APMAP: variants seen among roughly 807,000 people sequenced by gnomAD.
APMAP encodes adipocyte plasma membrane associated protein, also known as adipocyte plasma membrane-associated protein.
Under a neutral mutation model 43.6 loss-of-function variants are expected in APMAP, and 33 were observed. The ratio of observed to expected loss-of-function variants is 0.76; its 90% CI spans 0.57 to 1.01. APMAP has a LOEUF of 1.01. Ranked by LOEUF, APMAP falls within the 50% of genes least tolerant of loss-of-function variation. The probability of loss-of-function intolerance (pLI) is 0.00; values close to 1 mark genes in which losing one functional copy is unlikely to be tolerated. For synonymous variants in APMAP, 224 were observed against 216.7 expected (o/e 1.03, Z -0.30); for missense variants, 498 against 540.7 (o/e 0.92, Z 0.78).
rs143091602 is a variant in APMAP, at chr20:24,981,467, C to T, written c.212+2436G>A. ...TCTGAGAACCAGCTCTCTGAGGTCC[C>T]CCACATCTCTCTCCCTAACACAGGA... On this transcript the variant is annotated intron_variant, in intron 2 of 8. Transcript: ENST00000217456. Among the ~76,000 whole-genome samples the T allele has an allele frequency of 2.8e-4, 43 of 152,318 alleles. 1 individual carries two copies. The East Asian group carries it at 7.9e-3, about 28-fold the overall frequency.
At chr20:24,973,320 A>G (rs543083309) in intron 4 of APMAP, among the ~76,000 whole-genome samples, 19 of 152,362 alleles carry the variant, frequency 1.2e-4, no homozygotes, top group Non-Finnish European at 2.1e-4. Flanking sequence ...CAGCACTGTG[A>G]TAACACCTAT....
At chr20:24,987,096 C>A (rs954777684) in intron 1 of APMAP, among the ~76,000 whole-genome samples, 3 of 152,102 alleles carry the variant, frequency 2.0e-5, no homozygotes, top group Non-Finnish European at 4.4e-5. Context: ...ATGTATCTAC[C>A]ACAACTTGCT....
rs73114354 is a variant in APMAP, at chr20:24,978,226, T to C, written c.328+541A>G. ...CAGAAAATGCCTTGTTCAAGGTTGC[T>C]AGAGATGCAAGTATTAGAACCAGAC... On this transcript the variant is annotated intron_variant, in intron 3 of 8. Coordinates refer to ENST00000217456, the MANE Select transcript of APMAP (RefSeq NM_020531.3). Among the ~76,000 whole-genome samples the C allele has an allele frequency of 8.9e-3, 1,359 of 152,320 alleles. 6 individuals are homozygous for C. Among genetic ancestry groups the C allele is most frequent in the Non-Finnish European group, 0.014 (942 of 68,038 alleles).
intron 8 of APMAP, among the ~76,000 whole-genome samples, chr20:24,967,885 G>T (rs902345723): frequency 6.6e-6 from 1 of 152,096 alleles, no homozygotes; most frequent in Admixed American, 6.6e-5. Context: ...AACAGATTAG[G>T]ACTTCCCACA....
chr20:24,963,882 G>A lies in APMAP; in HGVS notation c.1182C>T (p.His394=), dbSNP rs375790305. 3.2e-5 allele frequency: 52 copies of A among 1,614,122 alleles called. No individual in the cohort carries two copies. The highest frequency in any genetic ancestry group is 1.0e-4 in the Admixed American group (6 of 60,012). ...AAGAGCCCAGGTACAGGTGCCCATC[G>A]TGTTCGTGCACCTCGCTGATGTAGG... is the stretch of plus-strand genomic sequence containing the variant. ...VATYISEVHE[H]DGHLYLGSFR... The change falls in exon 9 of 9, where the codon CAC becomes CAT. Residue 394 remains histidine (H), a synonymous_variant. Coordinates refer to ENST00000217456, the MANE Select transcript of APMAP (RefSeq NM_020531.3).
chr20:24,973,156 G>A (rs1300088001), intron 4 of APMAP, among the ~76,000 whole-genome samples: 1 of 152,112 alleles, frequency 6.6e-6, no homozygotes, highest in Non-Finnish European at 1.5e-5. Context: ...TAAGTCTATA[G>A]ACTATCAGTT....
intron 1 of APMAP, among the ~76,000 whole-genome samples, chr20:24,987,408 C>T (rs2088156958): frequency 6.6e-6 from 1 of 152,184 alleles, no homozygotes; most frequent in South Asian, 2.1e-4. Context: ...GATGAGCAGG[C>T]ATGAGCAACC....
Position 24,992,751 on chromosome 20 carries a change from C to T in APMAP, c.-63G>A. On this transcript the variant is annotated 5_prime_UTR_variant, in exon 1 of 9. Coordinates refer to ENST00000217456, the MANE Select transcript of APMAP (RefSeq NM_020531.3). ...CACTGAGCGGCGCCGGCTCAGACTC[C>T]AGGCCCGCCCTCCCCCGTACGCGGA... 8.1e-7 allele frequency: 1 copy of T among 1,233,922 alleles called. No individual in the cohort carries two copies. Among genetic ancestry groups the T allele is most frequent in the Non-Finnish European group, 1.1e-6 (1 of 928,448 alleles). The allele number at this position is 1,233,922 out of a possible 1,614,324, so 76.4% of individuals were successfully genotyped here. A position where few individuals can be genotyped will look rare whatever the true frequency, so the allele number is the denominator to read the frequency against.
intron 3 of APMAP, among the ~76,000 whole-genome samples, chr20:24,976,339 C>T (rs2088049957): frequency 6.6e-6 from 1 of 152,082 alleles, no homozygotes; most frequent in Non-Finnish European, 1.5e-5. Flanking sequence ...ACTCTTAAAA[C>T]TCAACAATAA....
intron 1 of APMAP, 82 bp downstream of exon 1, chr20:24,992,512 A>G: frequency 8.7e-7 from 1 of 1,152,534 alleles, no homozygotes; most frequent in Non-Finnish European, 1.1e-6. Context: ...GGTTACTGTT[A>G]CTGCCGTCGC....
In APMAP at chr20:24,964,014, A is replaced by G; in HGVS notation, c.1050T>C (p.Ser350=). The change falls in exon 9 of 9, where the codon AGT becomes AGC. Residue 350 remains serine, a synonymous_variant. Coordinates refer to ENST00000217456, the MANE Select transcript of APMAP (RefSeq NM_020531.3). ...WIKRMIFKLF[S]QETVMKFVPR... ...GCACAAACTTCATCACCGTCTCTTGACTAAAGAGCTAGAGGGAAGCACAGT... is the reference window on the plus strand; with the variant it reads ...GCACAAACTTCATCACCGTCTCTTGGCTAAAGAGCTAGAGGGAAGCACAGT... 6.2e-7 allele frequency: 1 copy of G among 1,614,184 alleles called. No individual in the cohort carries two copies. The highest frequency in any genetic ancestry group is 1.3e-5 in the African/African-American group (1 of 75,068).
intron 2 of APMAP, among the ~76,000 whole-genome samples, chr20:24,980,324 A>G (rs2088091392): frequency 6.6e-6 from 1 of 152,224 alleles, no homozygotes; most frequent in Non-Finnish European, 1.5e-5. Flanking sequence ...CAGCAAAAAG[A>G]GCTTCTTTAA....
intron 8 of APMAP, among the ~76,000 whole-genome samples, chr20:24,965,882 G>T (rs181595548): frequency 3.3e-5 from 5 of 152,220 alleles, no homozygotes; most frequent in Non-Finnish European, 7.3e-5. Flanking sequence ...AAAATAAGGG[G>T]AGAAAACTTG....
rs2087917849 is a variant in APMAP at position 24,963,758 on chromosome 20, G to A, written c.*55C>T. ...CACAGCTCCTCCTGGACCAGGCCTG[G>A]TGCCTGAGTGTGAAGACTCCTGGCC... On this transcript the variant is annotated 3_prime_UTR_variant, in exon 9 of 9. Coordinates refer to ENST00000217456, the MANE Select transcript of APMAP (RefSeq NM_020531.3). The A allele has an allele frequency of 6.4e-7, 1 of 1,551,154 alleles. No homozygotes were observed. Among genetic ancestry groups the A allele is most frequent in the East Asian group, 2.3e-5 (1 of 44,364 alleles).
intron 3 of APMAP, among the ~76,000 whole-genome samples, chr20:24,976,809 T>C (rs1431976762): frequency 1.2e-4 from 18 of 152,194 alleles, no homozygotes; most frequent in African/African-American, 4.3e-4. Flanking sequence ...GTAACTAAAC[T>C]GTGGCACATC....
intron 6 of APMAP, 120 bp from the exon 7 acceptor site, chr20:24,969,780 G>A (rs1050418157): frequency 3.0e-6 from 4 of 1,346,844 alleles, no homozygotes; most frequent in Non-Finnish European, 4.0e-6. Flanking sequence ...GGCCCTGGGT[G>A]CCCTGCTCAA....
In APMAP at chr20:24,968,962, C is replaced by T. The variant is rs181867455; in HGVS notation, c.971G>A (p.Arg324His). The T allele has an allele frequency of 5.0e-6, 8 of 1,613,894 alleles. No homozygotes were observed. The Admixed American group carries it at 5.0e-5, about 10-fold the overall frequency. Residue 324 changes from arginine (R) to histidine (H), a missense_variant, in exon 8 of 9, where the codon CGC becomes CAC. By Grantham distance (29) the Arg-to-His change is conservative. Transcript: ENST00000217456. ...GGYWVGMSTI[R>H]PNPGFSMLDF... ...CAGCATGGAAAACCCAGGGTTAGGG[C>T]GGATGGTCGACATGCCCACCCAGTA...
Position 24,968,958 on chromosome 20 carries a change from AG to A in APMAP, c.974del (p.Pro325LeufsTer20). ...GYWVGMSTIR[P>X]NPGFSMLDFL... ...AATCCAGCATGGAAAACCCAGGGTTAGGGCGGATGGTCGACATGCCCACCCA... is the reference window on the plus strand; with the variant it reads ...AATCCAGCATGGAAAACCCAGGGTTAGGCGGATGGTCGACATGCCCACCCA... On this transcript the variant is annotated frameshift_variant, in exon 8 of 9. Transcript: ENST00000217456. LOFTEE classifies it high-confidence loss of function. 1 of 1,613,918 alleles carries A rather than the reference AG, an allele frequency of 6.2e-7. No individual in the cohort carries two copies. Among genetic ancestry groups the A allele is most frequent in the Non-Finnish European group, 8.5e-7 (1 of 1,179,924 alleles).
At chr20:24,969,145 T>C (rs2122488137) in intron 7 of APMAP, 61 bp from the exon 8 acceptor site, 3 of 1,472,432 alleles carry the variant, frequency 2.0e-6, no homozygotes, top group Non-Finnish European at 2.7e-6. Flanking sequence ...AAAAAAATTT[T>C]AGCCAAGCAC....
Sources: gnomAD v4.1 joint callset for allele counts (sites outside exome capture counted in the v4.1 genomes callset) on GRCh38, gnomAD v4.1.1 for gene constraint, MANE v1.5 for transcripts, NCBI Gene and HGNC (gene_info 2026-07-23, HGNC 2026-07-21) for gene names.